Variants in PLCB1 observed in about 807,000 individuals in gnomAD.
The protein encoded by PLCB1 is phospholipase C beta 1.
In PLCB1, 46 loss-of-function variants were observed where a neutral mutation model predicts 161.8. The observed-to-expected ratio is 0.28, with a 90% CI of 0.22 to 0.36. The LOEUF (loss-of-function observed/expected upper bound fraction) is 0.36. PLCB1 is among the 10% of genes least tolerant of loss of function. The pLI, the probability that PLCB1 is intolerant of heterozygous loss-of-function variation, is 1.00. For missense variants in PLCB1, 1,016 were observed against 1,472.5 expected (o/e 0.69, Z 5.07); for synonymous variants, 517 against 503.7 (o/e 1.03, Z -0.35).
chr20:8,709,165 A>G (rs1190600707), intron 12 of PLCB1, among the ~76,000 whole-genome samples: 7 of 151,970 alleles, frequency 4.6e-5, no homozygotes, highest in East Asian at 3.9e-4. Flanking sequence ...TGTGAATTCC[A>G]TTTTACCAAT....
At chr20:8,280,790 T>C (rs922814152) in intron 2 of PLCB1, among the ~76,000 whole-genome samples, 3 of 152,230 alleles carry the variant, frequency 2.0e-5, no homozygotes, top group African/African-American at 7.2e-5. Context: ...TGTTTGTTTC[T>C]TTTTCAGATT....
intron 3 of PLCB1, among the ~76,000 whole-genome samples, chr20:8,529,839 T>C (rs978588849): frequency 1.1e-4 from 16 of 152,106 alleles, no homozygotes; most frequent in Admixed American, 9.2e-4. Context: ...TGCCCCCAAG[T>C]GCACATGATT....
At chr20:8,778,400 A>T (rs1282458506) in intron 27 of PLCB1, among the ~76,000 whole-genome samples, 1 of 152,134 alleles carries the variant, frequency 6.6e-6, no homozygotes. Flanking sequence ...GAGGGTGTGG[A>T]AAGCAGCTCA....
chr20:8,241,146 C>T (rs986666545), intron 2 of PLCB1, among the ~76,000 whole-genome samples: 1 of 151,966 alleles, frequency 6.6e-6, no homozygotes, highest in Non-Finnish European at 1.5e-5. Flanking sequence ...ACAGAATCAT[C>T]TTTATTTCTT....
At chr20:8,808,893 A>G (rs894340042) in intron 31 of PLCB1, among the ~76,000 whole-genome samples, 1 of 152,222 alleles carries the variant, frequency 6.6e-6, no homozygotes, top group African/African-American at 2.4e-5. Flanking sequence ...CATTACTACA[A>G]ATTAAATTAT....
At chr20:8,475,677 T>C (rs10485724) in intron 3 of PLCB1, among the ~76,000 whole-genome samples, 41,774 of 151,996 alleles carry the variant, frequency 0.27, 6,022 homozygotes, top group Non-Finnish European at 0.31. Context: ...GGATTTCACT[T>C]CACATGGACT....
chr20:8,397,052 CT>C (rs957112423), intron 3 of PLCB1, among the ~76,000 whole-genome samples: 2 of 151,998 alleles, frequency 1.3e-5, no homozygotes, highest in African/African-American at 4.8e-5. Context: ...CCAAATAGAT[CT>C]AATTCAATCC....
At chr20:8,317,530 G>A (rs162220) in intron 2 of PLCB1, among the ~76,000 whole-genome samples, 14 of 138,850 alleles carry the variant, frequency 1.0e-4, no homozygotes, top group South Asian at 2.3e-4. Context: ...CCATCCCCCC[G>A]ACACACACAC....
chr20:8,306,558 G>A (rs1014445404), intron 2 of PLCB1, among the ~76,000 whole-genome samples: 1 of 152,186 alleles, frequency 6.6e-6, no homozygotes, highest in African/African-American at 2.4e-5. Context: ...AGCTTGTGAT[G>A]CTTACTTTGT....
At chr20:8,696,899 A>G (rs971136119) in intron 10 of PLCB1, among the ~76,000 whole-genome samples, 24 of 151,890 alleles carry the variant, frequency 1.6e-4, no homozygotes, top group Non-Finnish European at 2.8e-4. Flanking sequence ...ACACCCGGCT[A>G]ATTTTTTGTG....
At chr20:8,509,283 G>A (rs140046177) in intron 3 of PLCB1, among the ~76,000 whole-genome samples, 64 of 152,230 alleles carry the variant, frequency 4.2e-4, no homozygotes, top group African/African-American at 1.4e-3. Flanking sequence ...AAATAGTTCC[G>A]TGCTTCAACA....
chr20:8,183,553 C>G (rs2051869877), intron 2 of PLCB1, among the ~76,000 whole-genome samples: 1 of 151,994 alleles, frequency 6.6e-6, no homozygotes, highest in South Asian at 2.1e-4. Context: ...TTTTGATACC[C>G]CTTGATATGT....
intron 31 of PLCB1, among the ~76,000 whole-genome samples, chr20:8,841,113 T>C (rs938102792): frequency 6.6e-6 from 1 of 152,190 alleles, no homozygotes; most frequent in Non-Finnish European, 1.5e-5. Context: ...GCTGGGATTA[T>C]AGCTGTGAGC....
intron 26 of PLCB1, among the ~76,000 whole-genome samples, chr20:8,769,547 AGATAATCCAAC>A (rs2146197642): frequency 6.6e-6 from 1 of 152,330 alleles, no homozygotes; most frequent in Admixed American, 6.5e-5. Context: ...GTATTGCCAA[AGATAATCCAAC>A]GACCTTCACA....
At chr20:8,441,527 TAATA>T (rs1457174006) in intron 3 of PLCB1, among the ~76,000 whole-genome samples, 6 of 152,196 alleles carry the variant, frequency 3.9e-5, no homozygotes. Flanking sequence ...CAATAAGAAA[TAATA>T]AATAATCTTT....
intron 3 of PLCB1, among the ~76,000 whole-genome samples, chr20:8,516,947 C>A (rs1443780045): frequency 6.6e-6 from 1 of 151,904 alleles, no homozygotes; most frequent in Non-Finnish European, 1.5e-5. Context: ...AAGTAAGATG[C>A]TCAATATGAG....
At chr20:8,690,659 G>T (rs906315667) in intron 10 of PLCB1, among the ~76,000 whole-genome samples, 1 of 152,154 alleles carries the variant, frequency 6.6e-6, no homozygotes, top group Admixed American at 6.6e-5. Flanking sequence ...GGGAGGTTAC[G>T]AATCTTGTGA....
chr20:8,661,414 G>C (rs1989618244), intron 9 of PLCB1, among the ~76,000 whole-genome samples: 1 of 152,054 alleles, frequency 6.6e-6, no homozygotes, highest in Non-Finnish European at 1.5e-5. Context: ...GCTAGAATAT[G>C]GCTAAAGGGC....
intron 2 of PLCB1, among the ~76,000 whole-genome samples, chr20:8,207,109 G>A (rs1019627254): frequency 2.1e-5 from 2 of 94,740 alleles, no homozygotes; most frequent in African/African-American, 8.7e-5. Context: ...TTAAGGATGA[G>A]TTATTTTTCC....
Sources: gnomAD v4.1 joint callset for allele counts (sites outside exome capture counted in the v4.1 genomes callset) on GRCh38, gnomAD v4.1.1 for gene constraint, MANE v1.5 for transcripts, NCBI Gene and HGNC (gene_info 2026-07-23, HGNC 2026-07-21) for gene names.